ADGRB3: variants seen among roughly 807,000 people sequenced by gnomAD.
The protein encoded by ADGRB3 is adhesion G protein-coupled receptor B3, also known as brain-specific angiogenesis inhibitor 3.
In ADGRB3, 37 loss-of-function variants were observed where a neutral mutation model predicts 193.4. The ratio of observed to expected loss-of-function variants is 0.19; its 90% confidence interval spans 0.15 to 0.25. The LOEUF is 0.25. Ranked by LOEUF, ADGRB3 falls within the 10% of genes least tolerant of loss-of-function variation. The pLI is 1.00. For missense variants in ADGRB3, 1,637 were observed against 1,852.9 expected (o/e 0.88, Z 2.14); for synonymous variants, 690 against 644.2 (o/e 1.07, Z -1.08).
intron 8 of ADGRB3, among the ~76,000 whole-genome samples, chr6:68,957,755 G>T (rs1768113682): frequency 6.6e-6 from 1 of 152,122 alleles, no homozygotes; most frequent in Admixed American, 6.5e-5. Context: ...AAGAACCAAG[G>T]TATTCTAAGA....
intron 20 of ADGRB3, among the ~76,000 whole-genome samples, chr6:69,309,950 C>T (rs752326884): frequency 2.0e-5 from 3 of 151,524 alleles, no homozygotes; most frequent in Non-Finnish European, 4.4e-5. Context: ...AAACACATTT[C>T]CCTTCCTTCT....
At chr6:68,947,570 A>G (rs889758573) in intron 6 of ADGRB3, among the ~76,000 whole-genome samples, 7 of 152,148 alleles carry the variant, frequency 4.6e-5, no homozygotes, top group Admixed American at 2.0e-4. Flanking sequence ...TTCATAATAC[A>G]TTGATATGAT....
chr6:68,995,160 A>G (rs1769349186), intron 11 of ADGRB3, among the ~76,000 whole-genome samples: 2 of 152,174 alleles, frequency 1.3e-5, no homozygotes, highest in African/African-American at 4.8e-5. Context: ...CATTTCAAAG[A>G]TGCTTTTCTC....
chr6:68,752,179 C>T (rs190223928), intron 3 of ADGRB3, among the ~76,000 whole-genome samples: 1 of 150,772 alleles, frequency 6.6e-6, no homozygotes, highest in African/African-American at 2.4e-5. Context: ...TACAAGAAAT[C>T]AAAATTGAAA....
intron 3 of ADGRB3, among the ~76,000 whole-genome samples, chr6:68,781,872 T>G (rs1766860194): frequency 6.6e-6 from 1 of 152,072 alleles, no homozygotes; most frequent in Non-Finnish European, 1.5e-5. Context: ...ATAGCTTCAG[T>G]GTACCACCAT....
chr6:68,931,523 A>G lies in ADGRB3; in HGVS notation c.868+854A>G, dbSNP rs547808595. 3.2e-4 allele frequency among the ~76,000 whole-genome samples: 48 copies of G among 152,246 alleles called. 1 individual carries two copies. The highest frequency in any genetic ancestry group is 5.9e-4 in the Non-Finnish European group (40 of 67,980). On this transcript the variant is annotated intron_variant, in intron 4 of 31. Coordinates refer to ENST00000370598, the MANE Select transcript of ADGRB3 (RefSeq NM_001704.3). ...CTTTATTTTGGGAAATTGAAAGCTA[A>G]CAGTTTTATCTATGTCTTAAAAAAT...
chr6:69,327,734 AC>A, intron 21 of ADGRB3, 85 bp from the exon 22 acceptor site: 3 of 1,040,874 alleles, frequency 2.9e-6, no homozygotes, highest in Non-Finnish European at 4.2e-6. Flanking sequence ...TAATTTGAGC[AC>A]CTGGAGTTTG....
At chr6:68,809,998 T>C (rs1370516177) in intron 3 of ADGRB3, among the ~76,000 whole-genome samples, 1 of 152,204 alleles carries the variant, frequency 6.6e-6, no homozygotes, top group Non-Finnish European at 1.5e-5. Flanking sequence ...ATTTTGTGGG[T>C]TCCTGGTAAT....
chr6:69,153,260 C>CTT (rs1774731191), intron 17 of ADGRB3, among the ~76,000 whole-genome samples: 1 of 152,142 alleles, frequency 6.6e-6, no homozygotes, highest in Admixed American at 6.5e-5. Context: ...TTCTTAAAAA[C>CTT]TCATGAAGCC....
intron 13 of ADGRB3, among the ~76,000 whole-genome samples, chr6:69,032,486 C>A (rs1039932063): frequency 5.9e-5 from 9 of 152,126 alleles, no homozygotes; most frequent in African/African-American, 2.2e-4. Context: ...GTTTCTATGG[C>A]AATAATTGCT....
At chr6:68,787,166 C>A (rs969199789) in intron 3 of ADGRB3, among the ~76,000 whole-genome samples, 8 of 152,098 alleles carry the variant, frequency 5.3e-5, no homozygotes, top group Admixed American at 2.6e-4. Context: ...GCATGATTGC[C>A]CTGGCCAGAA....
At chr6:69,267,956 C>T (rs1767084140) in intron 20 of ADGRB3, among the ~76,000 whole-genome samples, 2 of 151,988 alleles carry the variant, frequency 1.3e-5, no homozygotes, top group African/African-American at 4.8e-5. Context: ...TTGTGTGGCC[C>T]ACATGTCAGG....
At chr6:68,803,316 C>G (rs1053344304) in intron 3 of ADGRB3, among the ~76,000 whole-genome samples, 1 of 152,132 alleles carries the variant, frequency 6.6e-6, no homozygotes, top group Non-Finnish European at 1.5e-5. Context: ...CTCCAGAGTT[C>G]CATATTTTTT....
intron 10 of ADGRB3, among the ~76,000 whole-genome samples, chr6:68,977,896 T>C (rs924885391): frequency 6.8e-6 from 1 of 147,378 alleles, no homozygotes; most frequent in Non-Finnish European, 1.5e-5. Flanking sequence ...GGCGCAATTG[T>C]TCCAAAACCT....
chr6:69,060,944 C>T (rs1184114177), intron 15 of ADGRB3, among the ~76,000 whole-genome samples: 3 of 151,948 alleles, frequency 2.0e-5, no homozygotes, highest in African/African-American at 7.2e-5. Context: ...TCACTTGGTT[C>T]CCTGATCACT....
chr6:69,034,736 T>G (rs1313985116), intron 13 of ADGRB3, among the ~76,000 whole-genome samples: 1 of 151,486 alleles, frequency 6.6e-6, no homozygotes, highest in Non-Finnish European at 1.5e-5. Context: ...GATAGTTTAA[T>G]AATGAGAGGA....
At chr6:68,923,734 G>A (rs905277888) in intron 3 of ADGRB3, among the ~76,000 whole-genome samples, 9 of 151,936 alleles carry the variant, frequency 5.9e-5, no homozygotes, top group African/African-American at 2.2e-4. Context: ...CCATCCTTTT[G>A]GTAGCCCCTA....
At chr6:68,851,408 A>G (rs1768400024) in intron 3 of ADGRB3, among the ~76,000 whole-genome samples, 1 of 151,998 alleles carries the variant, frequency 6.6e-6, no homozygotes, top group East Asian at 1.9e-4. Context: ...GAAAATTCTA[A>G]TACTATGAAG....
At chr6:68,993,082 T>A (rs918784658) in intron 10 of ADGRB3, among the ~76,000 whole-genome samples, 1 of 152,116 alleles carries the variant, frequency 6.6e-6, no homozygotes, top group African/African-American at 2.4e-5. Context: ...CAAGCAAATA[T>A]AAGAATTGGC....
Sources: gnomAD v4.1 joint callset for allele counts (sites outside exome capture counted in the v4.1 genomes callset) on GRCh38, gnomAD v4.1.1 for gene constraint, MANE v1.5 for transcripts, NCBI Gene and HGNC (gene_info 2026-07-23, HGNC 2026-07-21) for gene names.